TNRC6C: variants seen among roughly 807,000 people sequenced by gnomAD.
TNRC6C encodes trinucleotide repeat containing adaptor 6C.
Under a neutral mutation model 153.7 loss-of-function variants are expected in TNRC6C, and 20 were observed. The ratio of observed to expected loss-of-function variants is 0.13; its 90% confidence interval spans 0.09 to 0.19. TNRC6C has a LOEUF of 0.19. Among genes scored for constraint, TNRC6C ranks in the 10% least tolerant of loss-of-function variants. The probability of loss-of-function intolerance (pLI) is 1.00; values close to 1 mark genes in which losing one functional copy is unlikely to be tolerated. For synonymous variants in TNRC6C, 811 were observed against 841.4 expected (o/e 0.96, Z 0.63); for missense variants, 1,987 against 2,172.0 (o/e 0.91, Z 1.69).
intron 1 of TNRC6C, among the ~76,000 whole-genome samples, chr17:78,021,825 C>T (rs1178846705): frequency 6.6e-6 from 1 of 152,204 alleles, no homozygotes; most frequent in Admixed American, 6.5e-5. Context: ...CTGCCTCGGC[C>T]TCCCAAAGTG....
At chr17:78,034,224 AT>A (rs2072134179) in intron 2 of TNRC6C, among the ~76,000 whole-genome samples, 1 of 151,796 alleles carries the variant, frequency 6.6e-6, no homozygotes, top group East Asian at 1.9e-4. Context: ...TGCCTGACTA[AT>A]TTTGTATTTT....
chr17:78,035,158 T>C (rs1398214782), intron 2 of TNRC6C, among the ~76,000 whole-genome samples: 1 of 152,144 alleles, frequency 6.6e-6, no homozygotes, highest in East Asian at 1.9e-4. Flanking sequence ...CCAATGACTT[T>C]GTTTGATTTT....
chr17:77,992,481 G>C lies in TNRC6C; in HGVS notation c.-37-11689G>C, dbSNP rs530408224. ...CCACTGCACTCCAGCCTGGGCGACA[G>C]AGCGAGACTCCGTCTCAAAAAAAAA... is the stretch of plus-strand genomic sequence containing the variant. On this transcript the variant is annotated intron_variant, in intron 1 of 22. Transcript: ENST00000636222. Among the ~76,000 whole-genome samples, 2 of 45,768 alleles carry C rather than the reference G, an allele frequency of 4.4e-5. 1 individual carries two copies. Among genetic ancestry groups the C allele is most frequent in the East Asian group, 1.3e-3 (2 of 1,536 alleles). 30.0% of individuals were successfully genotyped at this position (45,768 alleles called of 152,430 possible).
chr17:78,046,126 C>G (rs992160245), intron 2 of TNRC6C, among the ~76,000 whole-genome samples: 3 of 151,102 alleles, frequency 2.0e-5, no homozygotes, highest in African/African-American at 7.3e-5. Flanking sequence ...TTGCCTGTTC[C>G]TATCCTTTTC....
At position 78,075,663 on chromosome 17, in the gene TNRC6C, G is replaced by A. The variant is rs1333218861; in HGVS notation, c.3060+385G>A. 6.6e-6 allele frequency among the ~76,000 whole-genome samples: 1 copy of A among 151,524 alleles called. No individual in the cohort carries two copies. The highest frequency in any genetic ancestry group is 2.5e-5 in the African/African-American group (1 of 40,812). On this transcript the variant is annotated intron_variant, in intron 8 of 19. Coordinates refer to ENST00000301624, the Ensembl canonical transcript of TNRC6C. The surrounding 1 kb of genome is among the most constrained non-coding windows in gnomAD (Gnocchi z 4.2). ...TCCTCAGGAAAAGGGATTGGAAGTG[G>A]TGGGGCTTGGGCACCCATCTCTGGC... is the stretch of plus-strand genomic sequence containing the variant.
At chr17:78,087,814 C>T (rs1217112254) in intron 13 of TNRC6C, among the ~76,000 whole-genome samples, 4 of 152,202 alleles carry the variant, frequency 2.6e-5, no homozygotes, top group African/African-American at 9.7e-5. Context: ...TTGAAACCCG[C>T]AGGTCAGTAG....
rs567438492 is a variant in TNRC6C at position 78,050,991 on chromosome 17, C to A, written c.1929C>A (p.Asn643Lys). ...GATCTGGGAACAGTGGCTGGGGCAA[C>A]AGCACAAATACAAAGGCCAATCCAG... The change falls in exon 3 of 20, where the codon AAC becomes AAA. Residue 643 changes from asparagine to lysine, a missense_variant. By Grantham distance (94) the Asn-to-Lys change is moderately conservative. Around this residue, in one of 4 missense-constraint regions of TNRC6C, gnomAD observed 1,052 missense variants for 1,017.0 expected, o/e 1.03. Coordinates refer to ENST00000301624, the Ensembl canonical transcript of TNRC6C. 467 of 1,613,878 alleles carry A rather than the reference C, an allele frequency of 2.9e-4. No homozygotes were observed. The highest frequency in any genetic ancestry group is 3.7e-4 in the Non-Finnish European group (433 of 1,179,872).
intron 1 of TNRC6C, among the ~76,000 whole-genome samples, chr17:78,018,599 A>C (rs2071774833): frequency 6.6e-6 from 1 of 152,070 alleles, no homozygotes; most frequent in Non-Finnish European, 1.5e-5. Flanking sequence ...TTGAGCCCTT[A>C]TTTACCGTGC....
intron 1 of TNRC6C, among the ~76,000 whole-genome samples, chr17:78,027,949 G>A (rs2071975659): frequency 6.7e-6 from 1 of 149,332 alleles, no homozygotes; most frequent in South Asian, 2.1e-4. Context: ...AGGCTGGAGT[G>A]CAGTGGTGCG....
intron 1 of TNRC6C, among the ~76,000 whole-genome samples, chr17:77,988,702 A>G (rs1268800398): frequency 2.0e-5 from 3 of 152,232 alleles, no homozygotes; most frequent in African/African-American, 4.8e-5. Flanking sequence ...AGTGTTGAAC[A>G]TCATTCTTTG....
upstream of TNRC6C, chr17:78,004,394 A>C: frequency 3.8e-6 from 4 of 1,050,512 alleles, no homozygotes; most frequent in Non-Finnish European, 4.9e-6. Flanking sequence ...GTCTATAATT[A>C]GCGAATAATA....
upstream of TNRC6C, among the ~76,000 whole-genome samples, chr17:78,003,182 C>T (rs1465170315): frequency 6.6e-6 from 1 of 152,054 alleles, no homozygotes; most frequent in Non-Finnish European, 1.5e-5. Context: ...CAGCCAGTTC[C>T]CTACCTAATA....
intron 3 of TNRC6C, among the ~76,000 whole-genome samples, chr17:78,053,899 GAATT>G (rs2072590222): frequency 6.6e-6 from 1 of 152,092 alleles, no homozygotes. Flanking sequence ...TCCAGGAACA[GAATT>G]AATACAGTCA....
exon 20 of TNRC6C, chr17:78,105,293 CAG>C (rs1260810475): frequency 3.9e-5 from 6 of 155,250 alleles, no homozygotes; most frequent in African/African-American, 1.4e-4. Context: ...GTAATCAGGG[CAG>C]AGTCTGGTGT....
chr17:78,086,611 T>A, intron 12 of TNRC6C, 25 bp downstream of exon 14: 1 of 1,607,858 alleles, frequency 6.2e-7, no homozygotes, highest in Non-Finnish European at 8.5e-7. Flanking sequence ...GATTGATTTT[T>A]GTCATGAGCT....
chr17:78,083,070 T>C (rs753945386), exon 11 of TNRC6C: 1 of 1,613,982 alleles, frequency 6.2e-7, no homozygotes, highest in East Asian at 2.2e-5. Flanking sequence ...TTTTGCAGTT[T>C]GCAGCAAAAA....
Position 78,075,111 on chromosome 17 carries a change from AT to A in TNRC6C, c.2918-23del. ...AGCACTCACTTGTTTTGTTTACAAC[AT>A]TGCTTCTGTTTGTTGTGCTCCAGGC... is the stretch of plus-strand genomic sequence containing the variant. On this transcript the variant is annotated intron_variant, in intron 7 of 19. Coordinates refer to ENST00000301624, the Ensembl canonical transcript of TNRC6C. This position sits in a 1 kb window ranked among gnomAD's most constrained non-coding sequence, Gnocchi z 4.2. The A allele has an allele frequency of 6.2e-7, 1 of 1,611,110 alleles. No homozygotes were observed. The highest frequency in any genetic ancestry group is 8.5e-7 in the Non-Finnish European group (1 of 1,178,568).
intron 11 of TNRC6C, among the ~76,000 whole-genome samples, chr17:78,086,061 G>A (rs760116366): frequency 2.0e-5 from 3 of 151,954 alleles, no homozygotes; most frequent in South Asian, 2.1e-4. Flanking sequence ...GCTGGGCGCC[G>A]TGGCTCATGC....
At position 78,092,746 on chromosome 17, in the gene TNRC6C, A is replaced by G. The variant is rs1366012608; in HGVS notation, c.3971-187A>G. Among the ~76,000 whole-genome samples, 5 of 152,314 alleles carry G rather than the reference A, an allele frequency of 3.3e-5. No homozygotes were observed. In the East Asian group the frequency reaches 5.8e-4, roughly 18 times the overall value. Reference sequence around the variant, plus strand: ...GAGAAGTTGTCTCAAAAAAATAAATAAATAAATAAATAAAGTCATTGATTC... The same window carrying G: ...GAGAAGTTGTCTCAAAAAAATAAATGAATAAATAAATAAAGTCATTGATTC... On this transcript the variant is annotated intron_variant, in intron 14 of 19. Transcript: ENST00000301624.
Sources: gnomAD v4.1 joint callset for allele counts (sites outside exome capture counted in the v4.1 genomes callset) on GRCh38, gnomAD v4.1.1 for gene constraint, gnomAD v4.1.1 regional missense constraint, Gnocchi (gnomAD v3.1) non-coding constraint, MANE v1.5 for transcripts, NCBI Gene and HGNC (gene_info 2026-07-23, HGNC 2026-07-21) for gene names.